Variants in SGCD observed in about 807,000 individuals in gnomAD.
SGCD encodes sarcoglycan delta.
SGCD carries 18 observed loss-of-function variants against 36.6 expected under a neutral mutation model. The observed-to-expected ratio is 0.49, with a 90% CI of 0.34 to 0.73. SGCD has a LOEUF of 0.73. Among genes scored for constraint, SGCD ranks in the 30% least tolerant of loss-of-function variants. The pLI is 0.01. For missense variants in SGCD, 387 were observed against 346.7 expected, an observed-to-expected ratio of 1.12 and a Z score of -0.92; for synonymous variants, 133 against 130.6, an observed-to-expected ratio of 1.02 and a Z score of -0.12.
At chr5:155,825,647 G>T in the SGCD span, among the ~76,000 whole-genome samples, 10 of 152,032 alleles carry the variant, frequency 6.6e-5, no homozygotes, top group African/African-American at 2.2e-4. Context: ...GGATTATTTT[G>T]TACACTGCTA....
chr5:156,631,938 A>G (rs2113534461), intron 6 of SGCD, among the ~76,000 whole-genome samples: 1 of 152,276 alleles, frequency 6.6e-6, no homozygotes, highest in Non-Finnish European at 1.5e-5. Context: ...AAAATAATGA[A>G]TTATTTAGGG....
intron 3 of SGCD, among the ~76,000 whole-genome samples, chr5:156,124,300 G>C (rs1167588696): frequency 1.3e-5 from 2 of 152,166 alleles, no homozygotes; most frequent in Non-Finnish European, 2.9e-5. Flanking sequence ...GTTTGTGCAG[G>C]TGTCTCAGCT....
At chr5:156,297,458 A>G (rs888565741) in intron 3 of SGCD, among the ~76,000 whole-genome samples, 2 of 152,208 alleles carry the variant, frequency 1.3e-5, no homozygotes, top group African/African-American at 4.8e-5. Context: ...CTATGCAGCC[A>G]TAAAAAATGA....
chr5:156,141,538 A>C (rs955730593), intron 3 of SGCD, among the ~76,000 whole-genome samples: 1 of 152,250 alleles, frequency 6.6e-6, no homozygotes, highest in Non-Finnish European at 1.5e-5. Context: ...CTTAAGCCTT[A>C]AGATTTATTG....
At chr5:156,679,550 G>C (rs1389551429) in intron 7 of SGCD, among the ~76,000 whole-genome samples, 2 of 152,114 alleles carry the variant, frequency 1.3e-5, no homozygotes, top group African/African-American at 4.8e-5. Flanking sequence ...TGCTCTAGGG[G>C]CCATTTCATA....
the SGCD span, among the ~76,000 whole-genome samples, chr5:155,779,667 A>T: frequency 6.6e-6 from 1 of 152,106 alleles, no homozygotes; most frequent in South Asian, 2.1e-4. Context: ...TGTGGACCAG[A>T]TAATGAAATG....
intron 4 of SGCD, among the ~76,000 whole-genome samples, chr5:156,515,642 C>T (rs1010315818): frequency 6.6e-6 from 1 of 152,220 alleles, no homozygotes; most frequent in African/African-American, 2.4e-5. Flanking sequence ...ATCTGTGCAA[C>T]CCATGGATCA....
intron 1 of SGCD, among the ~76,000 whole-genome samples, chr5:156,116,117 G>A (rs971693380): frequency 1.4e-4 from 22 of 151,980 alleles, no homozygotes; most frequent in African/African-American, 5.1e-4. Context: ...ACTTTTATCA[G>A]TATTTGATTA....
chr5:156,380,964 A>G (rs143302604), intron 3 of SGCD, among the ~76,000 whole-genome samples: 68 of 152,360 alleles, frequency 4.5e-4, no homozygotes, highest in Admixed American at 1.5e-3. Flanking sequence ...ACACCGTTTC[A>G]GTAACTTAGG....
At chr5:156,372,512 T>A (rs7721793) in intron 3 of SGCD, among the ~76,000 whole-genome samples, 1 of 151,866 alleles carries the variant, frequency 6.6e-6, no homozygotes, top group African/African-American at 2.4e-5. Flanking sequence ...TTTCACCTCA[T>A]CCTCCCTTTG....
At chr5:156,476,810 A>T (rs1250318975) in intron 3 of SGCD, among the ~76,000 whole-genome samples, 1 of 152,188 alleles carries the variant, frequency 6.6e-6, no homozygotes, top group Non-Finnish European at 1.5e-5. Context: ...GGTGTCTGAT[A>T]GGTAAACTAA....
At chr5:156,580,977 A>T (rs1581202659) in intron 4 of SGCD, among the ~76,000 whole-genome samples, 1 of 152,040 alleles carries the variant, frequency 6.6e-6, no homozygotes. Context: ...GGAGGAGAAG[A>T]GGTGCTCTGA....
intron 1 of SGCD, among the ~76,000 whole-genome samples, chr5:155,936,782 G>A (rs770906500): frequency 2.3e-4 from 35 of 152,150 alleles, no homozygotes; most frequent in Admixed American, 3.3e-4. Context: ...CCACTGTTCC[G>A]TACAGCCCAG....
chr5:156,628,427 A>G (rs959526776), intron 6 of SGCD, among the ~76,000 whole-genome samples: 3 of 152,246 alleles, frequency 2.0e-5, no homozygotes, highest in Non-Finnish European at 2.9e-5. Context: ...GTTCAAATTC[A>G]GTAACCCATT....
the SGCD span, among the ~76,000 whole-genome samples, chr5:155,797,096 C>G: frequency 1.3e-5 from 2 of 152,196 alleles, no homozygotes; most frequent in African/African-American, 4.8e-5. Context: ...AAATGTGTTT[C>G]ATTAATCAAT....
Position 156,002,335 on chromosome 5 carries a change from C to A in SGCD, c.-281-115543C>A, listed in dbSNP as rs142918665. On this transcript the variant is annotated intron_variant, in intron 1 of 9. Coordinates refer to the SGCD transcript ENST00000517913. Reference sequence around the variant, plus strand: ...CTCCAGAGAAGCCGGCCCTACCTACCCTTTGGTCGTGGATTTCTAGCTTCC... The same window carrying A: ...CTCCAGAGAAGCCGGCCCTACCTACACTTTGGTCGTGGATTTCTAGCTTCC... Among the ~76,000 whole-genome samples the A allele has an allele frequency of 5.9e-3, 900 of 152,274 alleles. 14 individuals carry two copies. The highest frequency in any genetic ancestry group is 0.02 in the African/African-American group (840 of 41,542).
Position 156,333,783 on chromosome 5 carries a change from A to ATTTTTTTTTTT in SGCD, c.3+4231_3+4241dup, listed in dbSNP as rs70984404. ...GTGCTTTCTTTATGTTAGAAAAGTG[A>ATTTTTTTTTTT]TTTTTTTTTTTTTTTTTTTTTTTTT... On this transcript the variant is annotated intron_variant, in intron 2 of 8. Coordinates refer to ENST00000337851, the MANE Select transcript of SGCD (RefSeq NM_000337.6). Among the ~76,000 whole-genome samples, 32 of 19,966 alleles carry ATTTTTTTTTTT rather than the reference A, an allele frequency of 1.6e-3. 6 individuals carry two copies. Among genetic ancestry groups the ATTTTTTTTTTT allele is most frequent in the Non-Finnish European group, 2.8e-3 (29 of 10,476 alleles). The allele number at this position is 19,966 out of a possible 152,430, so 13.1% of individuals were successfully genotyped here.
chr5:156,379,463 T>C (rs2127746409), intron 3 of SGCD, among the ~76,000 whole-genome samples: 1 of 152,258 alleles, frequency 6.6e-6, no homozygotes, highest in East Asian at 1.9e-4. Flanking sequence ...CAGAAAGAAG[T>C]GTCCTTCTGT....
intron 3 of SGCD, among the ~76,000 whole-genome samples, chr5:156,223,378 T>G (rs1764767899): frequency 6.6e-6 from 1 of 152,044 alleles, no homozygotes; most frequent in African/African-American, 2.4e-5. Context: ...ATTGTTAATG[T>G]GGTATGAAAA....
Sources: allele counts gnomAD v4.1 joint callset (sites outside exome capture counted in the v4.1 genomes callset), GRCh38; gene constraint gnomAD v4.1.1; transcripts MANE v1.5; gene names NCBI Gene and HGNC (gene_info 2026-07-23, HGNC 2026-07-21).